TRMT11: variants seen among roughly 807,000 people sequenced by gnomAD.
TRMT11 encodes tRNA (guanine(10)-N(2))-methyltransferase TRMT11.
TRMT11 carries 53 observed loss-of-function variants against 62.8 expected under a neutral mutation model. That is an observed-to-expected ratio of 0.84 (90% CI 0.68 to 1.06). TRMT11 has a LOEUF of 1.06. Ranked by LOEUF, TRMT11 falls within the 50% of genes least tolerant of loss-of-function variation. The pLI, the probability that TRMT11 is intolerant of heterozygous loss-of-function variation, is 0.00. For missense variants in TRMT11, 556 were observed against 553.4 expected (o/e 1.00, Z -0.05); for synonymous variants, 188 against 190.3 (o/e 0.99, Z 0.10).
At chr6:126,113,035 G>C (rs1351336269) in intron 18 of TRMT11, among the ~76,000 whole-genome samples, 1 of 152,014 alleles carries the variant, frequency 6.6e-6, no homozygotes, top group Non-Finnish European at 1.5e-5. Context: ...GATGACACTG[G>C]AGACATAGAG....
chr6:126,022,650 T>A (rs941575086), intron 12 of TRMT11, among the ~76,000 whole-genome samples: 4 of 152,158 alleles, frequency 2.6e-5, no homozygotes, highest in Admixed American at 6.5e-5. Context: ...ATGCAAAATC[T>A]TTTTTTATTA....
chr6:126,197,366 A>T (rs1778678492), intron 1 of TRMT11, among the ~76,000 whole-genome samples: 1 of 152,224 alleles, frequency 6.6e-6, no homozygotes, highest in South Asian at 2.1e-4. Context: ...AGGTTGAAAC[A>T]AATATAAGTG....
At chr6:126,016,431 T>C (rs774217052) in intron 11 of TRMT11, among the ~76,000 whole-genome samples, 1 of 152,198 alleles carries the variant, frequency 6.6e-6, no homozygotes, top group Non-Finnish European at 1.5e-5. Flanking sequence ...TTTTAGCATA[T>C]CTGACTGTTC....
intron 16 of TRMT11, among the ~76,000 whole-genome samples, chr6:126,051,072 A>T (rs1417366674): frequency 6.6e-6 from 1 of 152,150 alleles, no homozygotes; most frequent in Non-Finnish European, 1.5e-5. Context: ...TTCCAAGAGG[A>T]GGTGTTTCCT....
chr6:126,067,066 A>G (rs1776714636), intron 17 of TRMT11, among the ~76,000 whole-genome samples: 1 of 152,136 alleles, frequency 6.6e-6, no homozygotes, highest in Non-Finnish European at 1.5e-5. Flanking sequence ...TGTCTCTAAT[A>G]AAAATACAAA....
chr6:126,176,138 G>A (rs1292052769), upstream of TRMT11, among the ~76,000 whole-genome samples: 2 of 152,154 alleles, frequency 1.3e-5, no homozygotes, highest in Non-Finnish European at 2.9e-5. Flanking sequence ...AAAGAAATTG[G>A]TACAAGACTT....
chr6:126,254,656 T>TC, the TRMT11 span, among the ~76,000 whole-genome samples: 1 of 152,228 alleles, frequency 6.6e-6, no homozygotes, highest in Non-Finnish European at 1.5e-5. Context: ...GAGTTTTTTT[T>TC]CTCCCTCATC....
chr6:126,156,426 C>G, intron 21 of TRMT11, among the ~76,000 whole-genome samples: 1 of 152,218 alleles, frequency 6.6e-6, no homozygotes, highest in Non-Finnish European at 1.5e-5. Context: ...CCTATCCATC[C>G]TCTGGAATAT....
intron 21 of TRMT11, among the ~76,000 whole-genome samples, chr6:126,144,516 G>A (rs1583888022): frequency 6.6e-6 from 1 of 152,036 alleles, no homozygotes; most frequent in African/African-American, 2.4e-5. Flanking sequence ...TTGTATGGCC[G>A]GTGCCACTGT....
At chr6:126,133,547 G>A (rs909756724) in intron 21 of TRMT11, among the ~76,000 whole-genome samples, 5 of 151,962 alleles carry the variant, frequency 3.3e-5, no homozygotes, top group African/African-American at 1.2e-4. Flanking sequence ...ATCTCACTGT[G>A]TCTGCATCCT....
At chr6:126,220,963 C>A in the TRMT11 span, among the ~76,000 whole-genome samples, 1 of 152,120 alleles carries the variant, frequency 6.6e-6, no homozygotes, top group Non-Finnish European at 1.5e-5. Flanking sequence ...TTCTTTGTGT[C>A]CATGTGTACT....
chr6:126,236,948 C>T, the TRMT11 span, among the ~76,000 whole-genome samples: 1 of 152,142 alleles, frequency 6.6e-6, no homozygotes, highest in Non-Finnish European at 1.5e-5. Context: ...CTCTTCCTGG[C>T]TTCTGCATCA....
intron 12 of TRMT11, among the ~76,000 whole-genome samples, chr6:126,033,486 CCTTT>C (rs1258172254): frequency 1.3e-4 from 20 of 152,022 alleles, no homozygotes; most frequent in African/African-American, 3.6e-4. Flanking sequence ...CGTTTATATA[CCTTT>C]CTTTCTTGTT....
chr6:126,018,797 T>C (rs1051727118), intron 11 of TRMT11, among the ~76,000 whole-genome samples: 1 of 152,206 alleles, frequency 6.6e-6, no homozygotes, highest in Non-Finnish European at 1.5e-5. Context: ...AAAATATAGA[T>C]TTATGCCTTC....
chr6:125,989,330 G>A, intron 1 of TRMT11, among the ~76,000 whole-genome samples: 1 of 151,930 alleles, frequency 6.6e-6, no homozygotes, highest in East Asian at 1.9e-4. Flanking sequence ...CTTTCACCAT[G>A]TTGGCCAGGA....
intron 17 of TRMT11, among the ~76,000 whole-genome samples, chr6:126,109,555 C>T (rs774146274): frequency 1.3e-4 from 20 of 152,116 alleles, no homozygotes; most frequent in Non-Finnish European, 1.5e-4. Flanking sequence ...ACAGATTGCT[C>T]TAATGTAAGG....
intron 17 of TRMT11, among the ~76,000 whole-genome samples, chr6:126,060,391 C>G (rs138027716): frequency 2.0e-5 from 3 of 152,314 alleles, no homozygotes; most frequent in East Asian, 3.9e-4. Context: ...TATCTTATCA[C>G]GGGCTCTCTG....
chr6:126,056,138 A>C (rs555941895), intron 17 of TRMT11, among the ~76,000 whole-genome samples: 60 of 152,266 alleles, frequency 3.9e-4, no homozygotes, highest in Non-Finnish European at 6.9e-4. Context: ...CTTATTTCGC[A>C]CTGTTAACAT....
chr6:126,195,267 G>T (rs1778651667), intron 1 of TRMT11, among the ~76,000 whole-genome samples: 2 of 152,270 alleles, frequency 1.3e-5, no homozygotes, highest in South Asian at 4.1e-4. Context: ...TGAACATTTA[G>T]TAAAAGTATA....
Sources: allele counts gnomAD v4.1 joint callset (sites outside exome capture counted in the v4.1 genomes callset), GRCh38; gene constraint gnomAD v4.1.1; transcripts MANE v1.5; gene names NCBI Gene and HGNC (gene_info 2026-07-23, HGNC 2026-07-21).